Variants in GALNT13 observed in about 807,000 individuals in gnomAD.
GALNT13 encodes UDP-GalNAc:polypeptide N-acetylgalactosaminyltransferase 13.
GALNT13 carries 28 observed loss-of-function variants against 64.2 expected under a neutral mutation model. The ratio of observed to expected loss-of-function variants is 0.44; its 90% confidence interval spans 0.32 to 0.60. GALNT13 has a LOEUF of 0.60. Among genes scored for constraint, GALNT13 ranks in the 20% least tolerant of loss-of-function variants. GALNT13 has a pLI of 0.05. For missense variants in GALNT13, 577 were observed against 669.8 expected, an observed-to-expected ratio of 0.86 and a Z score of 1.53; for synonymous variants, 214 against 224.6, an observed-to-expected ratio of 0.95 and a Z score of 0.42.
the GALNT13 span, among the ~76,000 whole-genome samples, chr2:153,733,394 G>T: frequency 6.6e-6 from 1 of 152,118 alleles, no homozygotes; most frequent in African/African-American, 2.4e-5. Context: ...TTATTCATAT[G>T]CAGCTACTAA....
At chr2:154,262,395 C>T (rs1053692470) in intron 8 of GALNT13, among the ~76,000 whole-genome samples, 6 of 152,174 alleles carry the variant, frequency 3.9e-5, no homozygotes, top group African/African-American at 1.2e-4. Flanking sequence ...ATGCTTCTCT[C>T]GTCTATAATC....
At chr2:153,137,644 A>G in the GALNT13 span, among the ~76,000 whole-genome samples, 1 of 151,820 alleles carries the variant, frequency 6.6e-6, no homozygotes, top group African/African-American at 2.4e-5. Context: ...AGTGAAAATT[A>G]CTTTATTCGA....
At chr2:153,881,735 T>C (rs1686799096) in intron 1 of GALNT13, among the ~76,000 whole-genome samples, 1 of 152,194 alleles carries the variant, frequency 6.6e-6, no homozygotes, top group Non-Finnish European at 1.5e-5. Flanking sequence ...CTTCAATTAA[T>C]CTTTTTTTGC....
intron 3 of GALNT13, among the ~76,000 whole-genome samples, chr2:154,050,547 T>C (rs1420868529): frequency 6.6e-6 from 1 of 152,184 alleles, no homozygotes; most frequent in Admixed American, 6.5e-5. Flanking sequence ...CTCTTCACTT[T>C]TTTTTTCTTT....
the GALNT13 span, among the ~76,000 whole-genome samples, chr2:153,303,801 G>A: frequency 2.6e-5 from 4 of 151,924 alleles, no homozygotes; most frequent in Admixed American, 1.3e-4. Flanking sequence ...GGCAGGGGTG[G>A]GGATAGATAG....
chr2:153,089,588 T>A, the GALNT13 span, among the ~76,000 whole-genome samples: 1 of 152,148 alleles, frequency 6.6e-6, no homozygotes, highest in Non-Finnish European at 1.5e-5. Context: ...TTCATACTTC[T>A]CTTTTTCCTC....
the GALNT13 span, among the ~76,000 whole-genome samples, chr2:153,616,363 G>T: frequency 1.3e-5 from 2 of 151,622 alleles, no homozygotes; most frequent in Non-Finnish European, 3.0e-5. Flanking sequence ...AGATAATGTG[G>T]TTTTTCCAGT....
At chr2:154,146,326 G>A (rs986421812) in intron 4 of GALNT13, among the ~76,000 whole-genome samples, 1 of 151,794 alleles carries the variant, frequency 6.6e-6, no homozygotes, top group African/African-American at 2.4e-5. Flanking sequence ...ACACATTTAA[G>A]TACGTTGTAT....
chr2:153,656,932 G>A, the GALNT13 span, among the ~76,000 whole-genome samples: 11 of 152,152 alleles, frequency 7.2e-5, no homozygotes, highest in East Asian at 1.9e-4. Context: ...TGGGGGATTG[G>A]CAGCTATAGC....
At chr2:153,877,085 GAGA>G (rs1338702375) in intron 1 of GALNT13, among the ~76,000 whole-genome samples, 1 of 152,000 alleles carries the variant, frequency 6.6e-6, no homozygotes. Context: ...GGGATGTAGG[GAGA>G]AGAATGACTA....
At chr2:153,155,822 A>G in the GALNT13 span, among the ~76,000 whole-genome samples, 1 of 151,954 alleles carries the variant, frequency 6.6e-6, no homozygotes, top group East Asian at 1.9e-4. Context: ...CATAATTAAA[A>G]GAGGTTGAAA....
intron 8 of GALNT13, among the ~76,000 whole-genome samples, chr2:154,296,997 G>A (rs920790851): frequency 1.3e-5 from 2 of 152,128 alleles, no homozygotes; most frequent in Admixed American, 1.3e-4. Context: ...AGGGGAAGGA[G>A]ATTTGAGAAT....
the GALNT13 span, among the ~76,000 whole-genome samples, chr2:153,699,207 A>T: frequency 6.6e-6 from 1 of 152,170 alleles, no homozygotes; most frequent in African/African-American, 2.4e-5. Context: ...ACACAACTAC[A>T]TGGAAATTCA....
chr2:154,439,534 A>G (rs1278806327), intron 12 of GALNT13, among the ~76,000 whole-genome samples: 1 of 152,178 alleles, frequency 6.6e-6, no homozygotes, highest in African/African-American at 2.4e-5. Context: ...TGCTTAAAAG[A>G]TAAATACTAC....
At chr2:153,793,509 A>G in the GALNT13 span, among the ~76,000 whole-genome samples, 1 of 152,116 alleles carries the variant, frequency 6.6e-6, no homozygotes, top group Non-Finnish European at 1.5e-5. Context: ...CAGCTCCTCA[A>G]ATGACATGGG....
chr2:154,277,377 A>G (rs1488645559), intron 8 of GALNT13, among the ~76,000 whole-genome samples: 4 of 152,184 alleles, frequency 2.6e-5, no homozygotes, highest in Non-Finnish European at 5.9e-5. Flanking sequence ...TGTATTTTTT[A>G]TTAAAGAGCC....
At position 154,133,534 on chromosome 2, in the gene GALNT13, TTATATATATATATATATATATA is replaced by T. The variant is rs201083794; in HGVS notation, c.143-6773_143-6752del. Among the ~76,000 whole-genome samples, 187 of 77,290 alleles carry T rather than the reference TTATATATATATATATATATATA, an allele frequency of 2.4e-3. 6 individuals are homozygous for T. In the South Asian group the frequency reaches 0.044, roughly 18 times the overall value. The allele number at this position is 77,290 out of a possible 152,430, so 50.7% of individuals were successfully genotyped here. ...TTTTTCAGTAACATAACAGACCATT[TTATATATATATATATATATATA>T]TATATATATATATATATATATATAT... On this transcript the variant is annotated intron_variant, in intron 3 of 12. Coordinates refer to ENST00000392825, the MANE Select transcript of GALNT13 (RefSeq NM_052917.4).
chr2:154,317,933 T>TAAAAA, intron 9 of GALNT13, among the ~76,000 whole-genome samples: 1 of 144,936 alleles, frequency 6.9e-6, no homozygotes, highest in African/African-American at 2.5e-5. Flanking sequence ...TACCAAAATC[T>TAAAAA]AAAAAAAAAA....
chr2:154,406,075 T>C (rs1699524907), intron 10 of GALNT13, among the ~76,000 whole-genome samples: 1 of 152,152 alleles, frequency 6.6e-6, no homozygotes, highest in African/African-American at 2.4e-5. Context: ...TTTATCAACA[T>C]GCAAGAACTC....
Sources: gnomAD v4.1 joint callset for allele counts (sites outside exome capture counted in the v4.1 genomes callset) on GRCh38, gnomAD v4.1.1 for gene constraint, MANE v1.5 for transcripts, NCBI Gene and HGNC (gene_info 2026-07-23, HGNC 2026-07-21) for gene names.